ERBB4: variants seen among roughly 807,000 people sequenced by gnomAD.
ERBB4 encodes the protein receptor tyrosine-protein kinase erbB-4.
Under a neutral mutation model 158.0 loss-of-function variants are expected in ERBB4, and 42 were observed. The ratio of observed to expected loss-of-function variants is 0.27; its 90% CI spans 0.21 to 0.34. The LOEUF (loss-of-function observed/expected upper bound fraction) is 0.34. Ranked by LOEUF, ERBB4 falls within the 10% of genes least tolerant of loss-of-function variation. ERBB4 has a pLI of 1.00. For synonymous variants in ERBB4, 583 were observed against 558.7 expected (o/e 1.04, Z -0.61); for missense variants, 1,333 against 1,624.1 (o/e 0.82, Z 3.08).
At chr2:211,976,522 A>G (rs2081609257) in intron 2 of ERBB4, among the ~76,000 whole-genome samples, 1 of 152,150 alleles carries the variant, frequency 6.6e-6, no homozygotes, top group African/African-American at 2.4e-5. Context: ...AGATCTATAG[A>G]GGTTACTCAG....
chr2:212,480,708 A>G (rs1036422908), intron 1 of ERBB4, among the ~76,000 whole-genome samples: 3 of 152,202 alleles, frequency 2.0e-5, no homozygotes, highest in Non-Finnish European at 4.4e-5. Flanking sequence ...GACACACTGT[A>G]CAGTTATGGC....
Position 212,245,042 on chromosome 2 carries a change from T to C in ERBB4, c.83-120139A>G, listed in dbSNP as rs1251923951. 2.0e-5 allele frequency among the ~76,000 whole-genome samples: 3 copies of C among 152,250 alleles called. No individual in the cohort carries two copies. In the East Asian group the frequency reaches 5.8e-4, roughly 29 times the overall value. ...GATTTGAATCACAGTTATTTTATTG[T>C]AGAACCATAAAAAAACTCTCAGAAG... On this transcript the variant is annotated intron_variant, in intron 1 of 27. Transcript: ENST00000342788.
intron 1 of ERBB4, among the ~76,000 whole-genome samples, chr2:212,408,966 T>C (rs1043708021): frequency 6.6e-6 from 1 of 152,228 alleles, no homozygotes; most frequent in Non-Finnish European, 1.5e-5. Context: ...ACCTGGCTAC[T>C]ACATTCTTCA....
At position 211,695,939 on chromosome 2, in the gene ERBB4, TTTTC is replaced by T. The variant is rs570917041; in HGVS notation, c.1489+6024_1489+6027del. 2.0e-4 allele frequency among the ~76,000 whole-genome samples: 30 copies of T among 150,700 alleles called. No individual in the cohort carries two copies. In the South Asian group the frequency reaches 5.0e-3, roughly 25 times the overall value. The stretch of plus-strand genomic sequence containing the variant: ...ATGTATAGCTCGCTCTTGCTCTTTC[TTTTC>T]TTTCTTTTTATTTCTTCTTTCTTTT... On this transcript the variant is annotated intron_variant, in intron 12 of 27. Transcript: ENST00000342788.
intron 1 of ERBB4, among the ~76,000 whole-genome samples, chr2:212,349,762 C>G (rs1253044570): frequency 2.6e-5 from 4 of 152,000 alleles, no homozygotes; most frequent in Non-Finnish European, 5.9e-5. Flanking sequence ...AATTGCTTTC[C>G]TAAAAATATC....
chr2:211,826,721 G>C, intron 3 of ERBB4, among the ~76,000 whole-genome samples: 1 of 151,948 alleles, frequency 6.6e-6, no homozygotes, highest in East Asian at 1.9e-4. Flanking sequence ...TACCCTGATA[G>C]CCACAAAAGG....
chr2:212,321,093 TC>T (rs1364206325), intron 1 of ERBB4, among the ~76,000 whole-genome samples: 1 of 150,298 alleles, frequency 6.7e-6, no homozygotes, highest in Non-Finnish European at 1.5e-5. Flanking sequence ...CCGATGGTAA[TC>T]ATCTACATTA....
chr2:212,296,838 C>T (rs1368211139), intron 1 of ERBB4, among the ~76,000 whole-genome samples: 1 of 151,942 alleles, frequency 6.6e-6, no homozygotes, highest in Non-Finnish European at 1.5e-5. Context: ...TAGAGACTAA[C>T]CACACCCACC....
At chr2:212,503,352 G>A (rs1028284431) in intron 1 of ERBB4, among the ~76,000 whole-genome samples, 1 of 152,104 alleles carries the variant, frequency 6.6e-6, no homozygotes, top group East Asian at 1.9e-4. Context: ...TTCCCTGCCA[G>A]TCTAAATGTT....
At chr2:211,636,117 A>T (rs575014872) in intron 16 of ERBB4, among the ~76,000 whole-genome samples, 7 of 149,658 alleles carry the variant, frequency 4.7e-5, no homozygotes, top group African/African-American at 1.3e-4. Context: ...GTGTTTTTTT[A>T]AAAAAAAAGT....
Position 211,624,070 on chromosome 2 carries a change from T to A in ERBB4, c.2080-26A>T, listed in dbSNP as rs1298033783. 7 of 1,613,886 alleles carry A rather than the reference T, an allele frequency of 4.3e-6. 1 individual carries two copies. In the South Asian group the frequency reaches 7.7e-5, roughly 18 times the overall value. On this transcript the variant is annotated intron_variant, in intron 17 of 27. Coordinates refer to ENST00000342788, the MANE Select transcript of ERBB4 (RefSeq NM_005235.3). Reference sequence around the variant, plus strand: ...CTGCAAAGCGGAAAGAAGAAGGTTATACTTTCAGTCCGATAGTCAGTCCTC... The same window carrying A: ...CTGCAAAGCGGAAAGAAGAAGGTTAAACTTTCAGTCCGATAGTCAGTCCTC...
chr2:211,637,534 T>G (rs926746276), intron 16 of ERBB4, among the ~76,000 whole-genome samples: 9 of 152,080 alleles, frequency 5.9e-5, no homozygotes, highest in African/African-American at 2.2e-4. Flanking sequence ...TCATATTTTC[T>G]TAGAAATCAT....
At chr2:212,271,969 G>A (rs951316819) in intron 1 of ERBB4, among the ~76,000 whole-genome samples, 13 of 151,642 alleles carry the variant, frequency 8.6e-5, no homozygotes, top group African/African-American at 3.1e-4. Flanking sequence ...TCTCTTATAA[G>A]GATTAAAATT....
intron 3 of ERBB4, among the ~76,000 whole-genome samples, chr2:211,921,253 T>TC (rs2079850950): frequency 6.6e-6 from 1 of 152,032 alleles, no homozygotes; most frequent in Non-Finnish European, 1.5e-5. Context: ...CTTTCCTTTT[T>TC]CCCTCTCTTT....
chr2:212,008,904 G>T (rs1490012193), intron 2 of ERBB4, among the ~76,000 whole-genome samples: 1 of 152,122 alleles, frequency 6.6e-6, no homozygotes, highest in Non-Finnish European at 1.5e-5. Context: ...TAGAGAACAA[G>T]ATTCATGCTT....
At chr2:211,673,948 A>C (rs1048713490) in intron 13 of ERBB4, among the ~76,000 whole-genome samples, 2 of 152,112 alleles carry the variant, frequency 1.3e-5, no homozygotes, top group African/African-American at 4.8e-5. Flanking sequence ...ACATCCTAAA[A>C]CTTTCTAATT....
At chr2:211,463,950 A>AC (rs1228937736) in intron 20 of ERBB4, among the ~76,000 whole-genome samples, 3 of 152,048 alleles carry the variant, frequency 2.0e-5, no homozygotes. Flanking sequence ...GACTGCTTCA[A>AC]CCCCAGAGAT....
intron 4 of ERBB4, among the ~76,000 whole-genome samples, chr2:211,767,827 G>A (rs1377475218): frequency 6.6e-6 from 1 of 152,086 alleles, no homozygotes; most frequent in African/African-American, 2.4e-5. Flanking sequence ...TTTGGGTGAG[G>A]ACACAGCCAA....
intron 20 of ERBB4, among the ~76,000 whole-genome samples, chr2:211,556,051 A>T (rs1404047650): frequency 6.6e-6 from 1 of 152,156 alleles, no homozygotes; most frequent in East Asian, 1.9e-4. Flanking sequence ...ACCCAACTAC[A>T]TGCAATGACA....
Sources: allele counts gnomAD v4.1 joint callset (sites outside exome capture counted in the v4.1 genomes callset), GRCh38; gene constraint gnomAD v4.1.1; transcripts MANE v1.5; gene names NCBI Gene and HGNC (gene_info 2026-07-23, HGNC 2026-07-21).